Variants in SLC9A9 observed in about 807,000 individuals in gnomAD.
SLC9A9 encodes the protein sodium/hydrogen exchanger 9.
SLC9A9 carries 62 observed loss-of-function variants against 77.8 expected under a neutral mutation model. That is an observed-to-expected ratio of 0.80 (90% CI 0.65 to 0.98). SLC9A9 has a LOEUF of 0.98. Among genes scored for constraint, SLC9A9 ranks in the 50% least tolerant of loss-of-function variants. SLC9A9 has a pLI of 0.00. For synonymous variants in SLC9A9, 320 were observed against 283.5 expected (o/e 1.13, Z -1.29); for missense variants, 775 against 774.9 (o/e 1.00, Z 0.00).
At chr3:143,567,688 AGAT>A (rs1386553671) in intron 8 of SLC9A9, among the ~76,000 whole-genome samples, 12 of 152,194 alleles carry the variant, frequency 7.9e-5, no homozygotes, top group Non-Finnish European at 1.5e-4. Context: ...TTGAAGCAAA[AGAT>A]GATCAAAATA....
Position 143,281,683 on chromosome 3 carries a change from A to G in SLC9A9, c.1605-12703T>C, listed in dbSNP as rs142080317. 2.7e-3 allele frequency among the ~76,000 whole-genome samples: 406 copies of G among 152,338 alleles called. 3 individuals are homozygous for G. Among genetic ancestry groups the G allele is most frequent in the East Asian group, 0.017 (90 of 5,188 alleles). On this transcript the variant is annotated intron_variant, in intron 14 of 15. Coordinates refer to ENST00000316549, the MANE Select transcript of SLC9A9 (RefSeq NM_173653.4). ...AGTGGTGGACTTTAGATCAAGATTC[A>G]GGCCTCATGGATCCTGTGTTTTGTC...
In SLC9A9 at chr3:143,518,202, G is replaced by A. The variant is rs550428532; in HGVS notation, c.1090-22754C>T. ...TCCTTACACATTTTCACAAAGGCCC[G>A]AAGCTTGTTCACTTTGCGGGGGTCC... On this transcript the variant is annotated intron_variant, in intron 9 of 15. Transcript: ENST00000316549. The A allele has an allele frequency of 1.2e-4, 186 of 1,598,624 alleles. 2 individuals are homozygous for A. In the South Asian group the frequency reaches 1.8e-3, roughly 15 times the overall value.
intron 6 of SLC9A9, among the ~76,000 whole-genome samples, chr3:143,580,647 T>G (rs1444621642): frequency 2.0e-5 from 3 of 152,244 alleles, no homozygotes; most frequent in African/African-American, 7.2e-5. Context: ...AAAAAGAAAG[T>G]TCACCTGTAT....
intron 6 of SLC9A9, among the ~76,000 whole-genome samples, chr3:143,649,440 C>T (rs2038761838): frequency 2.0e-5 from 3 of 152,112 alleles, no homozygotes; most frequent in African/African-American, 7.2e-5. Flanking sequence ...ATCACAAGAG[C>T]GTGATATAGC....
chr3:143,774,408 T>C (rs1485069283), intron 4 of SLC9A9, among the ~76,000 whole-genome samples: 1 of 152,232 alleles, frequency 6.6e-6, no homozygotes, highest in East Asian at 1.9e-4. Flanking sequence ...GGGACACAGG[T>C]TGAAGCCAGA....
Position 143,369,436 on chromosome 3 carries a change from G to A in SLC9A9, c.1525-5873C>T, listed in dbSNP as rs1576453083. 2.0e-5 allele frequency among the ~76,000 whole-genome samples: 3 copies of A among 152,174 alleles called. 1 individual carries two copies. In the East Asian group the frequency reaches 5.8e-4, roughly 29 times the overall value. ...AAGTTCTAGTGTTCTGTAGCACTGT[G>A]GGGTGAATATAGTTAACAGTAATTC... On this transcript the variant is annotated intron_variant, in intron 13 of 15. Coordinates refer to ENST00000316549, the MANE Select transcript of SLC9A9 (RefSeq NM_173653.4).
In SLC9A9 at chr3:143,614,741, C is replaced by T. The variant is rs115188558; in HGVS notation, c.756-36018G>A. On this transcript the variant is annotated intron_variant, in intron 6 of 15. Coordinates refer to ENST00000316549, the MANE Select transcript of SLC9A9 (RefSeq NM_173653.4). ...GGAATCGAATGAACAATTCAGATTC[C>T]ACATTTATGGTAACCTTTTATGTAT... is the stretch of plus-strand genomic sequence containing the variant. 4.5e-3 allele frequency among the ~76,000 whole-genome samples: 680 copies of T among 152,138 alleles called. 3 individuals are homozygous for T. The highest frequency in any genetic ancestry group is 0.015 in the African/African-American group (619 of 41,486).
At chr3:143,766,131 T>C (rs1395283280) in intron 4 of SLC9A9, among the ~76,000 whole-genome samples, 1 of 152,190 alleles carries the variant, frequency 6.6e-6, no homozygotes, top group Non-Finnish European at 1.5e-5. Context: ...TCTGTGGCAG[T>C]ATGTCAAGAA....
At chr3:143,428,689 A>T (rs772679551) in intron 12 of SLC9A9, among the ~76,000 whole-genome samples, 5 of 126,460 alleles carry the variant, frequency 4.0e-5, no homozygotes, top group Non-Finnish European at 8.1e-5. Context: ...CTAAATGCCC[A>T]TCTACAGATG....
At chr3:143,319,661 G>A (rs1229775433) in intron 14 of SLC9A9, among the ~76,000 whole-genome samples, 2 of 152,182 alleles carry the variant, frequency 1.3e-5, no homozygotes, top group African/African-American at 4.8e-5. Flanking sequence ...ATTATCATTT[G>A]TCTTTTCCGC....
At chr3:143,309,741 G>A (rs1233810460) in intron 14 of SLC9A9, among the ~76,000 whole-genome samples, 1 of 152,196 alleles carries the variant, frequency 6.6e-6, no homozygotes, top group Admixed American at 6.5e-5. Context: ...TGGAAAGAAG[G>A]AAGAAATGTT....
intron 5 of SLC9A9, among the ~76,000 whole-genome samples, chr3:143,677,785 A>G (rs1047205611): frequency 6.6e-6 from 1 of 151,854 alleles, no homozygotes. Context: ...TTTGTGGAAC[A>G]AGTGGATTTG....
intron 6 of SLC9A9, among the ~76,000 whole-genome samples, chr3:143,605,709 C>G (rs887159735): frequency 2.6e-5 from 4 of 152,162 alleles, no homozygotes; most frequent in African/African-American, 4.8e-5. Context: ...AGGAATTGTA[C>G]AGAAACCACT....
At chr3:143,687,058 A>G (rs1933295335) in intron 5 of SLC9A9, among the ~76,000 whole-genome samples, 1 of 151,928 alleles carries the variant, frequency 6.6e-6, no homozygotes, top group Non-Finnish European at 1.5e-5. Context: ...TGACCTTTCC[A>G]TCATCAGCAA....
rs111330945 is a variant in SLC9A9, at chr3:143,831,912, G to A, written c.378+107C>T. On this transcript the variant is annotated intron_variant, in intron 2 of 15. Coordinates refer to ENST00000316549, the MANE Select transcript of SLC9A9 (RefSeq NM_173653.4). Reference sequence around the variant, plus strand: ...TCTCCAAAAGAGTGGTGTTAAAATAGGCATATATGTGTGTGTGAATGCATT... The same window carrying A: ...TCTCCAAAAGAGTGGTGTTAAAATAAGCATATATGTGTGTGTGAATGCATT... 1.1e-5 allele frequency: 11 copies of A among 970,652 alleles called. No homozygotes were observed. In the African/African-American group the frequency reaches 1.8e-4, roughly 16 times the overall value. The allele number at this position is 970,652 out of a possible 1,614,324, so 60.1% of individuals were successfully genotyped here. A position where few individuals can be genotyped will look rare whatever the true frequency, so the allele number is the denominator to read the frequency against.
chr3:143,337,212 T>C (rs2031952910), intron 14 of SLC9A9, among the ~76,000 whole-genome samples: 2 of 152,148 alleles, frequency 1.3e-5, no homozygotes, highest in South Asian at 4.1e-4. Flanking sequence ...CTGGCTTTTC[T>C]CTCCCTTGAA....
intron 5 of SLC9A9, among the ~76,000 whole-genome samples, chr3:143,667,868 C>T (rs1041640411): frequency 1.6e-4 from 25 of 152,160 alleles, no homozygotes; most frequent in Admixed American, 1.3e-4. Context: ...AATAGGAACA[C>T]TCTTACACTG....
intron 5 of SLC9A9, among the ~76,000 whole-genome samples, chr3:143,665,584 T>C (rs1576644631): frequency 6.6e-6 from 1 of 151,996 alleles, no homozygotes; most frequent in Admixed American, 6.6e-5. Flanking sequence ...GATAGATCAC[T>C]AGCAAGACTA....
rs576104180 is a variant in SLC9A9 at position 143,344,504 on chromosome 3, A to G, written c.1604+18980T>C. On this transcript the variant is annotated intron_variant, in intron 14 of 15. Coordinates refer to ENST00000316549, the MANE Select transcript of SLC9A9 (RefSeq NM_173653.4). Reference sequence around the variant, plus strand: ...ATCTCTTAAAAAATCCAATATGATGATGCCCATTTACAAAATTTTATGATG... The same window carrying G: ...ATCTCTTAAAAAATCCAATATGATGGTGCCCATTTACAAAATTTTATGATG... 4 of 152,338 alleles carry G rather than the reference A, an allele frequency of 2.6e-5. No homozygotes were observed. In the East Asian group the frequency reaches 7.7e-4, roughly 29 times the overall value. The allele number at this position is 152,338 out of a possible 1,614,324, so 9.4% of individuals were successfully genotyped here.
Sources: gnomAD v4.1 joint callset for allele counts (sites outside exome capture counted in the v4.1 genomes callset) on GRCh38, gnomAD v4.1.1 for gene constraint, MANE v1.5 for transcripts, NCBI Gene and HGNC (gene_info 2026-07-23, HGNC 2026-07-21) for gene names.